The following RFXAP variants were observed in gnomAD, a reference collection of about 807,000 sequenced individuals.
RFXAP encodes regulatory factor X-associated protein.
Under a neutral mutation model 25.7 loss-of-function variants are expected in RFXAP, and 21 were observed. That is an observed-to-expected ratio of 0.82 (90% CI 0.58 to 1.18). The LOEUF is 1.18. Among genes scored for constraint, RFXAP ranks in the 50% most tolerant of loss-of-function variants. The probability of loss-of-function intolerance (pLI) is 0.00; values close to 1 mark genes in which losing one functional copy is unlikely to be tolerated. For missense variants in RFXAP, 333 were observed against 363.0 expected, an observed-to-expected ratio of 0.92 and a Z score of 0.67; for synonymous variants, 161 against 152.2, an observed-to-expected ratio of 1.06 and a Z score of -0.43.
intron 2 of RFXAP, among the ~76,000 whole-genome samples, chr13:36,826,213 T>C (rs1049710254): frequency 6.6e-6 from 1 of 152,144 alleles, no homozygotes; most frequent in East Asian, 1.9e-4. Flanking sequence ...TAAAATATGT[T>C]TGCCTCTTTG....
chr13:36,822,094 CTTT>C (rs200751998), intron 1 of RFXAP, among the ~76,000 whole-genome samples: 1 of 145,122 alleles, frequency 6.9e-6, no homozygotes. Flanking sequence ...TTTTTTCTTT[CTTT>C]TTTTTTTTTG....
At chr13:36,825,738 T>C (rs544589994) in intron 2 of RFXAP, among the ~76,000 whole-genome samples, 20 of 151,942 alleles carry the variant, frequency 1.3e-4, no homozygotes, top group Non-Finnish European at 2.4e-4. Context: ...ATAGACAAAA[T>C]CACAGAGAAA....
intron 1 of RFXAP, among the ~76,000 whole-genome samples, chr13:36,821,310 A>G (rs2057961918): frequency 1.3e-5 from 2 of 151,506 alleles, no homozygotes; most frequent in African/African-American, 4.9e-5. Context: ...TCTTAGTTTC[A>G]GGCTGAACTT....
intron 1 of RFXAP, among the ~76,000 whole-genome samples, chr13:36,822,929 G>A (rs1280267585): frequency 1.3e-5 from 2 of 152,076 alleles, no homozygotes; most frequent in African/African-American, 2.4e-5. Flanking sequence ...TAGTTCAGAG[G>A]AGGATAGATC....
intron 1 of RFXAP, among the ~76,000 whole-genome samples, chr13:36,820,753 T>C (rs1022530712): frequency 6.6e-6 from 1 of 152,246 alleles, no homozygotes; most frequent in Admixed American, 6.5e-5. Flanking sequence ...GTTCTGGAGT[T>C]CGACTTCTGG....
At position 36,827,781 on chromosome 13, in the gene RFXAP, T is replaced by C. The variant is rs200385948; in HGVS notation, c.*28T>C. On this transcript the variant is annotated 3_prime_UTR_variant, in exon 3 of 3. Transcript: ENST00000255476. ...GAACTTACCAAGAACATCTACATGG[T>C]TTTTTATCTTATTGTAATAGATGAG... The C allele has an allele frequency of 5.1e-5, 1 of 19,534 alleles. No homozygotes were observed. The allele number at this position is 19,534 out of a possible 1,614,324, so 1.2% of individuals were successfully genotyped here.
At chr13:36,825,806 G>T (rs573896711) in intron 2 of RFXAP, among the ~76,000 whole-genome samples, 1 of 152,232 alleles carries the variant, frequency 6.6e-6, no homozygotes, top group African/African-American at 2.4e-5. Context: ...GTGGCAAATT[G>T]CACAATGACC....
intron 1 of RFXAP, among the ~76,000 whole-genome samples, chr13:36,822,885 T>C (rs1177855863): frequency 1.3e-5 from 2 of 152,206 alleles, no homozygotes; most frequent in African/African-American, 2.4e-5. Context: ...CCAGCCAGGA[T>C]ATAATAAGAG....
At chr13:36,825,766 A>G (rs546108343) in intron 2 of RFXAP, among the ~76,000 whole-genome samples, 1 of 152,366 alleles carries the variant, frequency 6.6e-6, no homozygotes, top group South Asian at 2.1e-4. Context: ...AAACTTGACT[A>G]CATAAAAATG....
rs867381525 is a variant in RFXAP, at chr13:36,827,819, C to T, written c.*66C>T. 237 of 1,269,816 alleles carry T rather than the reference C, an allele frequency of 1.9e-4. No individual in the cohort carries two copies. Among genetic ancestry groups the T allele is most frequent in the Middle Eastern group, 1.5e-3 (8 of 5,408 alleles). The allele number at this position is 1,269,816 out of a possible 1,614,324, so 78.7% of individuals were successfully genotyped here. A position where few individuals can be genotyped will look rare whatever the true frequency, so the allele number is the denominator to read the frequency against. ...TGTAATAGATGAGCATATTTTTTTA[C>T]CAGACATAAATGGGGTAATAATCTA... On this transcript the variant is annotated 3_prime_UTR_variant, in exon 3 of 3. Coordinates refer to ENST00000255476, the MANE Select transcript of RFXAP (RefSeq NM_000538.4).
At chr13:36,827,290 A>G (rs1036408420) in intron 2 of RFXAP, among the ~76,000 whole-genome samples, 1 of 151,268 alleles carries the variant, frequency 6.6e-6, no homozygotes, top group Non-Finnish European at 1.5e-5. Flanking sequence ...TTTCATCTCC[A>G]TTTTTTTTCT....
Position 36,819,280 on chromosome 13 carries a change from C to G in RFXAP, c.-78C>G, listed in dbSNP as rs910779373. On this transcript the variant is annotated 5_prime_UTR_variant, in exon 1 of 3. Coordinates refer to ENST00000255476, the MANE Select transcript of RFXAP (RefSeq NM_000538.4). ...CCTTTTACCCCAGCGTGTCCTGAGT[C>G]TTTGGTTCGCGAAGTGCCGTTAGGC... 8 of 1,209,816 alleles carry G rather than the reference C, an allele frequency of 6.6e-6. No homozygotes were observed. Among genetic ancestry groups the G allele is most frequent in the Non-Finnish European group, 4.1e-6 (4 of 970,258 alleles). The allele number at this position is 1,209,816 out of a possible 1,614,324, so 74.9% of individuals were successfully genotyped here. A position where few individuals can be genotyped will look rare whatever the true frequency, so the allele number is the denominator to read the frequency against.
chr13:36,826,891 T>C (rs2057979785), intron 2 of RFXAP, among the ~76,000 whole-genome samples: 2 of 152,154 alleles, frequency 1.3e-5, no homozygotes, highest in Non-Finnish European at 2.9e-5. Flanking sequence ...TACAGGAGAC[T>C]GTGGCAGGAT....
At chr13:36,826,364 TTCAATA>T (rs1395332261) in intron 2 of RFXAP, among the ~76,000 whole-genome samples, 2 of 152,134 alleles carry the variant, frequency 1.3e-5, no homozygotes, top group Non-Finnish European at 2.9e-5. Context: ...TGGAAAGGTA[TTCAATA>T]TCAGTAAAAA....
In RFXAP at chr13:36,819,833, C is replaced by G; in HGVS notation, c.476C>G (p.Pro159Arg). 1.2e-6 allele frequency: 2 copies of G among 1,605,024 alleles called. No homozygotes were observed. Among genetic ancestry groups the G allele is most frequent in the Non-Finnish European group, 8.5e-7 (1 of 1,175,500 alleles). Reference protein sequence around the residue: ...TTSQVAKQRKPWMCKKHRNKM... With the variant: ...TTSQVAKQRKRWMCKKHRNKM... ...AGCCAGGTGGCCAAGCAGCGCAAAC[C>G]GTGGATGTGCAAGAAACACCGCAAC... The change falls in exon 1 of 3, where the codon CCG becomes CGG. Residue 159 changes from proline to arginine, a missense_variant. Pro to Arg is a moderately radical substitution (Grantham distance 103). Coordinates refer to ENST00000255476, the MANE Select transcript of RFXAP (RefSeq NM_000538.4).
intron 2 of RFXAP, 36 bp from the exon 3 acceptor site, chr13:36,827,607 T>G (rs769013142): frequency 1.4e-6 from 2 of 1,407,102 alleles, no homozygotes; most frequent in Non-Finnish European, 2.0e-6. Flanking sequence ...TGACATAGAT[T>G]AATGCTATTA....
chr13:36,822,232 A>G (rs867820087), intron 1 of RFXAP, among the ~76,000 whole-genome samples: 2 of 151,862 alleles, frequency 1.3e-5, no homozygotes, highest in Non-Finnish European at 2.9e-5. Context: ...CTGGGATTAC[A>G]GGCATGCACC....
Position 36,828,380 on chromosome 13 carries a change from G to GT in RFXAP, c.*628dup, listed in dbSNP as rs1289253727. 6.6e-6 allele frequency: 1 copy of GT among 152,236 alleles called. No homozygotes were observed. The highest frequency in any genetic ancestry group is 1.5e-5 in the Non-Finnish European group (1 of 68,084). The allele number at this position is 152,236 out of a possible 1,614,324, so 9.4% of individuals were successfully genotyped here. ...AGAGGTAAGCACATTTTATATAGACGTAAGGAAAGTGATTATTGTTTAATA... is the reference window on the plus strand; with the variant it reads ...AGAGGTAAGCACATTTTATATAGACGTTAAGGAAAGTGATTATTGTTTAATA... On this transcript the variant is annotated 3_prime_UTR_variant, in exon 3 of 3. Coordinates refer to ENST00000255476, the MANE Select transcript of RFXAP (RefSeq NM_000538.4).
At position 36,829,006 on chromosome 13, in the gene RFXAP, G is replaced by A. The variant is rs10976; in HGVS notation, c.*1253G>A. 25,658 of 152,484 alleles carry A rather than the reference G, an allele frequency of 0.17. 2,330 individuals are homozygous for A. Among genetic ancestry groups the A allele is most frequent in the Middle Eastern group, 0.23 (67 of 290 alleles). 9.4% of individuals were successfully genotyped at this position (152,484 alleles called of 1,614,324 possible). On this transcript the variant is annotated 3_prime_UTR_variant, in exon 3 of 3. Transcript: ENST00000255476. ...AGAAGTACTTATGGAGAGCAAGAAC[G>A]TTTTTGTTCATTTCTTAATGTGTGT...
Sources: allele counts gnomAD v4.1 joint callset (sites outside exome capture counted in the v4.1 genomes callset), GRCh38; gene constraint gnomAD v4.1.1; transcripts MANE v1.5; gene names NCBI Gene and HGNC (gene_info 2026-07-23, HGNC 2026-07-21).